ARHGAP25: variants seen among roughly 807,000 people sequenced by gnomAD.
ARHGAP25 encodes the protein rho GTPase-activating protein 25.
In ARHGAP25, 34 loss-of-function variants were observed where a neutral mutation model predicts 71.0. The observed-to-expected ratio is 0.48, with a 90% confidence interval of 0.36 to 0.64. The LOEUF (loss-of-function observed/expected upper bound fraction) is 0.64, where lower values mean the gene tolerates loss of function less well. Ranked by LOEUF, ARHGAP25 falls within the 30% of genes least tolerant of loss-of-function variation. The probability of loss-of-function intolerance (pLI) is 0.00; values close to 1 mark genes in which losing one functional copy is unlikely to be tolerated. For missense variants in ARHGAP25, 706 were observed against 805.1 expected (o/e 0.88, Z 1.49); for synonymous variants, 282 against 296.5 (o/e 0.95, Z 0.50).
intron 5 of ARHGAP25, among the ~76,000 whole-genome samples, chr2:68,809,655 A>G (rs1680634587): frequency 6.6e-6 from 1 of 152,114 alleles, no homozygotes; most frequent in Admixed American, 6.5e-5. Context: ...TCTGCCTCCT[A>G]TAAAAGGAAT....
intron 4 of ARHGAP25, among the ~76,000 whole-genome samples, chr2:68,789,731 A>C (rs1203468556): frequency 6.6e-6 from 1 of 152,224 alleles, no homozygotes; most frequent in Non-Finnish European, 1.5e-5. Context: ...CTCTGAGTCA[A>C]AATGGTATCC....
intron 5 of ARHGAP25, among the ~76,000 whole-genome samples, chr2:68,812,477 T>G (rs1194004557): frequency 6.6e-6 from 1 of 152,146 alleles, no homozygotes; most frequent in Non-Finnish European, 1.5e-5. Flanking sequence ...CTGACACACA[T>G]GCTGCCTGCC....
intron 7 of ARHGAP25, among the ~76,000 whole-genome samples, chr2:68,817,491 T>C (rs922103404): frequency 1.3e-5 from 2 of 152,188 alleles, no homozygotes; most frequent in Admixed American, 1.3e-4. Context: ...AGTTTTCCTC[T>C]CTGGAGACTT....
At chr2:68,724,239 C>T (rs193261001) in intron 2 of ARHGAP25, among the ~76,000 whole-genome samples, 106 of 152,210 alleles carry the variant, frequency 7.0e-4, no homozygotes, top group African/African-American at 2.3e-3. Context: ...GGACTGGGCC[C>T]CAAACTCTCT....
chr2:68,810,669 T>C (rs1462880097), intron 5 of ARHGAP25, among the ~76,000 whole-genome samples: 2 of 152,120 alleles, frequency 1.3e-5, no homozygotes, highest in African/African-American at 4.8e-5. Flanking sequence ...TCTAGGTGTC[T>C]TTTTTATTGT....
chr2:68,825,704 G>A (rs1028247751), intron 10 of ARHGAP25, among the ~76,000 whole-genome samples: 1 of 152,130 alleles, frequency 6.6e-6, no homozygotes, highest in Non-Finnish European at 1.5e-5. Flanking sequence ...GAACCTGGGA[G>A]GCGGAGCTTG....
chr2:68,807,551 A>C (rs968910820), intron 5 of ARHGAP25, 71 bp downstream of exon 5: 98 of 1,466,160 alleles, frequency 6.7e-5, no homozygotes, highest in Non-Finnish European at 8.9e-5. Flanking sequence ...GGGCCTCTCC[A>C]TTCCAGTTGA....
intron 1 of ARHGAP25, among the ~76,000 whole-genome samples, chr2:68,740,268 G>T (rs1675451010): frequency 6.6e-6 from 1 of 152,050 alleles, no homozygotes; most frequent in Non-Finnish European, 1.5e-5. Flanking sequence ...TTCTTGAGGG[G>T]GCCCCAGACT....
chr2:68,822,675 C>G lies in ARHGAP25; in HGVS notation c.1536C>G (p.Ser512=). ...ATAACGTCCCTTCCCTGCCAGGGTC[C>G]CCTGGGGAGGAAGCCAGTGCACTCT... ...TYDNVPSLPG[S]PGEEASALSS... Residue 512 remains serine (S), a synonymous_variant, in exon 10 of 11, where the codon TCC becomes TCG. Transcript: ENST00000409202. The G allele has an allele frequency of 6.2e-7, 1 of 1,614,142 alleles. No individual in the cohort carries two copies. Among genetic ancestry groups the G allele is most frequent in the South Asian group, 1.1e-5 (1 of 91,084 alleles).
chr2:68,735,307 C>T (rs751339410), intron 1 of ARHGAP25, 47 bp downstream of exon 1: 9 of 1,562,628 alleles, frequency 5.8e-6, no homozygotes, highest in Middle Eastern at 1.7e-4. Flanking sequence ...TACGTATACT[C>T]GAGCACCATT....
Position 68,735,096 on chromosome 2 carries a change from C to T in ARHGAP25, c.-104C>T, listed in dbSNP as rs201855229. On this transcript the variant is annotated 5_prime_UTR_variant, in exon 1 of 11. Transcript: ENST00000409202. ...CTTGTGAAGCAATCATAAGGAGGAA[C>T]AAAAACAGACACAAAAACAGAGGGA... 4 of 1,041,086 alleles carry T rather than the reference C, an allele frequency of 3.8e-6. No homozygotes were observed. The highest frequency in any genetic ancestry group is 6.1e-6 in the Non-Finnish European group (4 of 661,118). The allele number at this position is 1,041,086 out of a possible 1,614,324, so 64.5% of individuals were successfully genotyped here.
intron 1 of ARHGAP25, among the ~76,000 whole-genome samples, chr2:68,743,330 T>A (rs114791553): frequency 3.4e-4 from 3 of 8,918 alleles, no homozygotes; most frequent in Non-Finnish European, 9.7e-4. Flanking sequence ...ATCACTTACA[T>A]GTGGGTTACA....
At chr2:68,741,308 C>T (rs1558607670) in intron 1 of ARHGAP25, among the ~76,000 whole-genome samples, 1 of 152,174 alleles carries the variant, frequency 6.6e-6, no homozygotes, top group Non-Finnish European at 1.5e-5. Flanking sequence ...CTATGTATAA[C>T]TCTATGTGAG....
chr2:68,770,082 G>A (rs1343241503), intron 1 of ARHGAP25, among the ~76,000 whole-genome samples: 2 of 152,176 alleles, frequency 1.3e-5, no homozygotes, highest in African/African-American at 4.8e-5. Context: ...GTGTTGATTG[G>A]TTGGCTGGGA....
At chr2:68,808,178 C>T (rs1041452056) in intron 5 of ARHGAP25, among the ~76,000 whole-genome samples, 13 of 152,152 alleles carry the variant, frequency 8.5e-5, no homozygotes, top group Non-Finnish European at 1.8e-4. Flanking sequence ...AATCCCCACC[C>T]GATGTTGTGC....
At chr2:68,801,593 G>T (rs7559598) in intron 4 of ARHGAP25, among the ~76,000 whole-genome samples, 16 of 152,216 alleles carry the variant, frequency 1.1e-4, no homozygotes, top group African/African-American at 3.9e-4. Context: ...GTAGAGAAAA[G>T]GGGCAGAGAA....
At chr2:68,793,823 A>G (rs1477412966) in intron 4 of ARHGAP25, among the ~76,000 whole-genome samples, 1 of 151,990 alleles carries the variant, frequency 6.6e-6, no homozygotes, top group East Asian at 1.9e-4. Flanking sequence ...TGACGTTGGT[A>G]TTTTGATAGA....
At chr2:68,741,748 A>G (rs546199804) in intron 1 of ARHGAP25, among the ~76,000 whole-genome samples, 1 of 152,208 alleles carries the variant, frequency 6.6e-6, no homozygotes, top group Non-Finnish European at 1.5e-5. Context: ...ATTGCAATTT[A>G]TCTAAGAAAG....
intron 1 of ARHGAP25, among the ~76,000 whole-genome samples, chr2:68,758,611 G>A: frequency 6.6e-6 from 1 of 151,658 alleles, no homozygotes; most frequent in South Asian, 2.1e-4. Context: ...AATATATAAA[G>A]CAAGCATTGA....
Sources: allele counts gnomAD v4.1 joint callset (sites outside exome capture counted in the v4.1 genomes callset), GRCh38; gene constraint gnomAD v4.1.1; transcripts MANE v1.5; gene names NCBI Gene and HGNC (gene_info 2026-07-23, HGNC 2026-07-21).